The following CSNK1E variants were observed in gnomAD, a reference collection of about 807,000 sequenced individuals.
CSNK1E encodes casein kinase 1 epsilon, also known as casein kinase I isoform epsilon.
A neutral mutation model predicts 46.1 loss-of-function variants in CSNK1E; 17 were observed. The observed-to-expected ratio is 0.37, with a 90% CI of 0.25 to 0.55. The LOEUF (loss-of-function observed/expected upper bound fraction) is 0.55. CSNK1E is among the 20% of genes least tolerant of loss of function. CSNK1E has a pLI of 0.82. For synonymous variants in CSNK1E, 241 were observed against 242.6 expected (o/e 0.99, Z 0.06); for missense variants, 386 against 595.4 (o/e 0.65, Z 3.66).
chr22:38,306,584 A>C lies in CSNK1E; in HGVS notation c.77-3336T>G, dbSNP rs562927708. Reference sequence around the variant, plus strand: ...CATCTCCATTAAAAGTACAAAAATTAGCTGGGCGTAGTGGCGCACGCCTGT... The same window carrying C: ...CATCTCCATTAAAAGTACAAAAATTCGCTGGGCGTAGTGGCGCACGCCTGT... On this transcript the variant is annotated intron_variant, in intron 2 of 10. Coordinates refer to ENST00000396832, the MANE Select transcript of CSNK1E (RefSeq NM_152221.3). Among the ~76,000 whole-genome samples, 21 of 152,334 alleles carry C rather than the reference A, an allele frequency of 1.4e-4. No individual in the cohort carries two copies. In the South Asian group the frequency reaches 2.7e-3, roughly 20 times the overall value.
At chr22:38,312,732 G>C (rs987358608) in intron 2 of CSNK1E, among the ~76,000 whole-genome samples, 2 of 152,232 alleles carry the variant, frequency 1.3e-5, no homozygotes, top group Non-Finnish European at 2.9e-5. Flanking sequence ...CCTTGGAACA[G>C]TTCTTGGTCA....
intron 2 of CSNK1E, among the ~76,000 whole-genome samples, chr22:38,305,432 T>TAA (rs10618230): frequency 1.8e-5 from 2 of 113,958 alleles, no homozygotes; most frequent in African/African-American, 3.3e-5. Context: ...TAAAGCCATT[T>TAA]AAAAAAAAAA....
chr22:38,297,005 C>G, intron 7 of CSNK1E: 1 of 671,414 alleles, frequency 1.5e-6, no homozygotes, highest in Non-Finnish European at 2.7e-6. Context: ...AACTCCTGAC[C>G]TCAAGTCATC....
intron 2 of CSNK1E, among the ~76,000 whole-genome samples, chr22:38,313,440 AAAGGCGC>A (rs1233989703): frequency 6.6e-6 from 1 of 152,254 alleles, no homozygotes; most frequent in Non-Finnish European, 1.5e-5. Context: ...AGTGGCACTG[AAAGGCGC>A]AAGCCTCATT....
chr22:38,308,506 GTCGGACAAGGCACTTCACCCC>G (rs2092707936), intron 2 of CSNK1E, among the ~76,000 whole-genome samples: 1 of 152,104 alleles, frequency 6.6e-6, no homozygotes, highest in South Asian at 2.1e-4. Context: ...GCCAGGGGTC[GTCGGACAAGGCACTTCACCCC>G]TCTGAGCCCC....
upstream of CSNK1E, chr22:38,317,511 C>T (rs1242158125): frequency 6.6e-6 from 1 of 152,044 alleles, no homozygotes; most frequent in Non-Finnish European, 1.5e-5. Context: ...CGCCGCCGCC[C>T]CGGAGGATTT....
At position 38,300,580 on chromosome 22, in the gene CSNK1E, A is replaced by G; in HGVS notation, c.565+144T>C. 1.3e-6 allele frequency: 1 copy of G among 771,302 alleles called. No individual in the cohort carries two copies. The highest frequency in any genetic ancestry group is 2.1e-6 in the Non-Finnish European group (1 of 479,406). 47.8% of individuals were successfully genotyped at this position (771,302 alleles called of 1,614,324 possible). A position where few individuals can be genotyped will look rare whatever the true frequency, so the allele number is the denominator to read the frequency against. ...TGTGCAAGGACACGGAATAAGCACGAGCTTGGGGGCAGACGGGGTGGGGAC... is the reference window on the plus strand; with the variant it reads ...TGTGCAAGGACACGGAATAAGCACGGGCTTGGGGGCAGACGGGGTGGGGAC... On this transcript the variant is annotated intron_variant, in intron 5 of 10. Coordinates refer to ENST00000396832, the MANE Select transcript of CSNK1E (RefSeq NM_152221.3). The surrounding 1 kb of genome is among the most constrained non-coding windows in gnomAD (Gnocchi z 4.4).
At chr22:38,299,024 T>C in intron 6 of CSNK1E, 90 bp from the exon 7 acceptor site, 1 of 1,424,818 alleles carries the variant, frequency 7.0e-7, no homozygotes. Context: ...CCACCCACTG[T>C]CCCTAGATAC....
rs2092654136 is a variant in CSNK1E, at chr22:38,298,624, G to A, written c.885+162C>T. The A allele has an allele frequency of 1.3e-6, 1 of 775,228 alleles. No homozygotes were observed. The highest frequency in any genetic ancestry group is 1.7e-5 in the African/African-American group (1 of 57,902). 48.0% of individuals were successfully genotyped at this position (775,228 alleles called of 1,614,324 possible). ...GGTGGCACAAGCTGTCAGCACGGAT[G>A]AGGCTGGAGGGCTCTGGGACCCCAG... On this transcript the variant is annotated intron_variant, in intron 7 of 10. Coordinates refer to ENST00000396832, the MANE Select transcript of CSNK1E (RefSeq NM_152221.3). This position sits in a 1 kb window ranked among gnomAD's most constrained non-coding sequence, Gnocchi z 4.2.
At chr22:38,297,166 C>CA (rs2092645387) in intron 7 of CSNK1E, 1 of 778,400 alleles carries the variant, frequency 1.3e-6, no homozygotes, top group African/African-American at 1.7e-5. Context: ...CTAGAGAATA[C>CA]AAAATCCATT....
At chr22:38,295,485 G>A (rs2092635682) in intron 7 of CSNK1E, 3 of 635,142 alleles carry the variant, frequency 4.7e-6, no homozygotes, top group South Asian at 6.8e-5. Flanking sequence ...TTGGGGGCCT[G>A]CTCATGGGCA....
Position 38,300,155 on chromosome 22 carries a change from G to C in CSNK1E, c.566-90C>G. 2 of 1,265,102 alleles carry C rather than the reference G, an allele frequency of 1.6e-6. No homozygotes were observed. Among genetic ancestry groups the C allele is most frequent in the Non-Finnish European group, 2.2e-6 (2 of 909,292 alleles). 78.4% of individuals were successfully genotyped at this position (1,265,102 alleles called of 1,614,324 possible). A position where few individuals can be genotyped will look rare whatever the true frequency, so the allele number is the denominator to read the frequency against. On this transcript the variant is annotated intron_variant, in intron 5 of 10. Transcript: ENST00000396832. This position sits in a 1 kb window ranked among gnomAD's most constrained non-coding sequence, Gnocchi z 4.4. ...GGGTCATGCTCCTCACAATGCACCAGGACCCTCCTGCCCCCACGTCGGATG... is the reference window on the plus strand; with the variant it reads ...GGGTCATGCTCCTCACAATGCACCACGACCCTCCTGCCCCCACGTCGGATG...
Position 38,303,087 on chromosome 22 carries a change from G to A in CSNK1E, c.187+51C>T. 6.3e-7 allele frequency: 1 copy of A among 1,598,568 alleles called. No homozygotes were observed. Among genetic ancestry groups the A allele is most frequent in the Non-Finnish European group, 8.5e-7 (1 of 1,172,780 alleles). On this transcript the variant is annotated intron_variant, in intron 3 of 10. Transcript: ENST00000396832. This position sits in a 1 kb window ranked among gnomAD's most constrained non-coding sequence, Gnocchi z 4.7. ...ACGCCCGGCCCACCCTGTGCTCATGGCTGCCCACCGCCACCCACCCGGCGC... is the reference window on the plus strand; with the variant it reads ...ACGCCCGGCCCACCCTGTGCTCATGACTGCCCACCGCCACCCACCCGGCGC...
rs1445922807 is a variant in CSNK1E, at chr22:38,303,217, G to T, written c.108C>A (p.Ala36=). Reference sequence around the variant, plus strand: ...TTGTCTTCACACACTCCAGCTTGATGGCGACTTCCTCACCAGAGGCGATGT... The same window carrying T: ...TTGTCTTCACACACTCCAGCTTGATTGCGACTTCCTCACCAGAGGCGATGT... The part of the protein sequence containing the change: ...GANIASGEEV[A]IKLECVKTKH... The change falls in exon 3 of 11, where the codon GCC becomes GCA. Residue 36 remains alanine, a synonymous_variant. Transcript: ENST00000396832. The surrounding 1 kb of genome is among the most constrained non-coding windows in gnomAD (Gnocchi z 4.7). The T allele has an allele frequency of 6.2e-7, 1 of 1,608,532 alleles. No homozygotes were observed. Among genetic ancestry groups the T allele is most frequent in the Non-Finnish European group, 8.5e-7 (1 of 1,178,012 alleles).
At chr22:38,301,041 G>C in intron 4 of CSNK1E, 89 bp from the exon 5 acceptor site, 1 of 1,113,348 alleles carries the variant, frequency 9.0e-7, no homozygotes, top group Non-Finnish European at 1.3e-6. Context: ...GAGGTGGAAA[G>C]GCAGAGGGAG....
chr22:38,295,405 G>A (rs752966000), intron 7 of CSNK1E: 11 of 985,316 alleles, frequency 1.1e-5, no homozygotes, highest in South Asian at 4.7e-5. Context: ...TCCTGGGGCC[G>A]TCCACAGGGA....
chr22:38,315,259 G>A (rs1330015034), intron 1 of CSNK1E, among the ~76,000 whole-genome samples: 6 of 152,258 alleles, frequency 3.9e-5, no homozygotes, highest in Non-Finnish European at 7.3e-5. Flanking sequence ...TCAGCCCCTT[G>A]CCCGTGCCAA....
rs1475812214 is a variant in CSNK1E at position 38,298,431 on chromosome 22, A to G, written c.885+355T>C. 8.1e-6 allele frequency: 3 copies of G among 369,724 alleles called. No homozygotes were observed. In the East Asian group the frequency reaches 2.1e-4, roughly 26 times the overall value. 22.9% of individuals were successfully genotyped at this position (369,724 alleles called of 1,614,324 possible). On this transcript the variant is annotated intron_variant, in intron 7 of 10. Coordinates refer to ENST00000396832, the MANE Select transcript of CSNK1E (RefSeq NM_152221.3). This position sits in a 1 kb window ranked among gnomAD's most constrained non-coding sequence, Gnocchi z 4.2. Reference sequence around the variant, plus strand: ...GCCATGGTGCAGGTAGCCACCTGGGATGTGCAGAACAGGAGCAGCAGGACG... The same window carrying G: ...GCCATGGTGCAGGTAGCCACCTGGGGTGTGCAGAACAGGAGCAGCAGGACG...
intron 7 of CSNK1E, chr22:38,297,117 C>T (rs752664746): frequency 2.6e-5 from 20 of 778,376 alleles, no homozygotes; most frequent in Middle Eastern, 2.2e-4. Flanking sequence ...AAAAATGTGT[C>T]GCATGTGGCC....
Sources: allele counts gnomAD v4.1 joint callset (sites outside exome capture counted in the v4.1 genomes callset), GRCh38; gene constraint gnomAD v4.1.1; non-coding constraint Gnocchi (gnomAD v3.1); transcripts MANE v1.5; gene names NCBI Gene and HGNC (gene_info 2026-07-23, HGNC 2026-07-21).